The following KIAA1328 variants were observed in gnomAD, a reference collection of about 807,000 sequenced individuals.
KIAA1328 encodes KIAA1328, also known as protein hinderin.
KIAA1328 carries 52 observed loss-of-function variants against 68.1 expected under a neutral mutation model. That is an observed-to-expected ratio of 0.76 (90% confidence interval 0.61 to 0.96). The LOEUF is 0.96. Ranked by LOEUF, KIAA1328 falls within the 40% of genes least tolerant of loss-of-function variation. The pLI is 0.00. For synonymous variants in KIAA1328, 232 were observed against 239.4 expected, an observed-to-expected ratio of 0.97 and a Z score of 0.28; for missense variants, 641 against 677.6, an observed-to-expected ratio of 0.95 and a Z score of 0.60.
At chr18:36,914,361 A>T (rs949299107) in intron 5 of KIAA1328, among the ~76,000 whole-genome samples, 1 of 152,224 alleles carries the variant, frequency 6.6e-6, no homozygotes, top group African/African-American at 2.4e-5. Context: ...ATCTTAATAA[A>T]AACCTCAAGG....
intron 3 of KIAA1328, 128 bp downstream of exon 3, chr18:36,835,504 T>A: frequency 1.1e-6 from 1 of 928,824 alleles, no homozygotes; most frequent in Non-Finnish European, 1.6e-6. Context: ...TACAGAGGAT[T>A]CCAGGATCCT....
chr18:36,911,071 C>T (rs1203220206), intron 5 of KIAA1328, among the ~76,000 whole-genome samples: 1 of 152,036 alleles, frequency 6.6e-6, no homozygotes, highest in Non-Finnish European at 1.5e-5. Flanking sequence ...TACATTTTAC[C>T]CTCTTCCCTT....
chr18:37,079,579 G>A (rs913304302), intron 7 of KIAA1328, among the ~76,000 whole-genome samples: 7 of 151,968 alleles, frequency 4.6e-5, no homozygotes, highest in African/African-American at 1.7e-4. Flanking sequence ...ATTAAATAAT[G>A]GAAAGCAAAT....
At chr18:37,025,463 A>G (rs936765992) in intron 6 of KIAA1328, among the ~76,000 whole-genome samples, 2 of 152,190 alleles carry the variant, frequency 1.3e-5, no homozygotes, top group African/African-American at 2.4e-5. Context: ...AATTGACCAC[A>G]TAGTTGGAAG....
intron 1 of KIAA1328, among the ~76,000 whole-genome samples, chr18:36,831,493 A>G (rs191243657): frequency 6.6e-6 from 1 of 152,338 alleles, no homozygotes; most frequent in East Asian, 1.9e-4. Flanking sequence ...CCTTCATTAC[A>G]GTTCCTAGTA....
intron 5 of KIAA1328, among the ~76,000 whole-genome samples, chr18:36,951,564 T>C (rs989492740): frequency 1.2e-4 from 18 of 152,176 alleles, no homozygotes; most frequent in Non-Finnish European, 2.5e-4. Context: ...AACTCCCAAA[T>C]GTCTATTTCT....
chr18:37,012,132 C>A (rs963901059), intron 6 of KIAA1328, among the ~76,000 whole-genome samples: 1 of 152,062 alleles, frequency 6.6e-6, no homozygotes, highest in Non-Finnish European at 1.5e-5. Context: ...GTTAGACTTC[C>A]AGTAGTGACT....
intron 7 of KIAA1328, among the ~76,000 whole-genome samples, chr18:37,070,202 T>C (rs2056476613): frequency 6.6e-6 from 1 of 152,232 alleles, no homozygotes; most frequent in Non-Finnish European, 1.5e-5. Context: ...TTTTTCATTC[T>C]TTCAGACTTA....
At chr18:36,981,476 C>A (rs182838360) in intron 6 of KIAA1328, among the ~76,000 whole-genome samples, 1 of 152,232 alleles carries the variant, frequency 6.6e-6, no homozygotes, top group East Asian at 1.9e-4. Flanking sequence ...GTTGAATTGA[C>A]ACAGATAATA....
intron 7 of KIAA1328, among the ~76,000 whole-genome samples, chr18:37,126,696 ATCC>A (rs2058399134): frequency 6.6e-6 from 1 of 152,170 alleles, no homozygotes; most frequent in Non-Finnish European, 1.5e-5. Flanking sequence ...AGACACAAAA[ATCC>A]TCAACTAAAT....
In KIAA1328 at chr18:37,141,938, A is replaced by C. The variant is rs1012773886; in HGVS notation, c.1233-18262A>C. Among the ~76,000 whole-genome samples the C allele has an allele frequency of 9.9e-5, 15 of 152,188 alleles. 1 individual carries two copies. On this transcript the variant is annotated intron_variant, in intron 7 of 9. Transcript: ENST00000280020. ...AATTATTGAACATAGAGTTCTTTGA[A>C]TATTTTGGATACAAAGTCTTCATCA...
chr18:37,107,520 G>T (rs2057806624), intron 7 of KIAA1328, among the ~76,000 whole-genome samples: 1 of 152,086 alleles, frequency 6.6e-6, no homozygotes, highest in African/African-American at 2.4e-5. Context: ...TATTTGTGTT[G>T]TCTCTGATTT....
At chr18:36,928,296 C>A (rs2050193786) in intron 5 of KIAA1328, among the ~76,000 whole-genome samples, 1 of 151,994 alleles carries the variant, frequency 6.6e-6, no homozygotes, top group South Asian at 2.1e-4. Flanking sequence ...GCAGAATGGG[C>A]TAGTGATTAA....
At chr18:36,907,324 G>C (rs2151055084) in intron 5 of KIAA1328, among the ~76,000 whole-genome samples, 1 of 152,082 alleles carries the variant, frequency 6.6e-6, no homozygotes, top group East Asian at 1.9e-4. Context: ...CCAGTACAAT[G>C]TTGAGTAAAA....
At chr18:37,213,239 G>C (rs1206993670) in intron 9 of KIAA1328, among the ~76,000 whole-genome samples, 1 of 152,108 alleles carries the variant, frequency 6.6e-6, no homozygotes, top group African/African-American at 2.4e-5. Flanking sequence ...GTGTTTGTTT[G>C]CTGCACCCAT....
chr18:37,130,160 TA>T (rs2058488393), intron 7 of KIAA1328, among the ~76,000 whole-genome samples: 1 of 152,128 alleles, frequency 6.6e-6, no homozygotes, highest in South Asian at 2.1e-4. Context: ...GTTTTATGTA[TA>T]ATATATAGCA....
At chr18:37,111,556 G>A (rs2057930418) in intron 7 of KIAA1328, among the ~76,000 whole-genome samples, 1 of 152,184 alleles carries the variant, frequency 6.6e-6, no homozygotes, top group Admixed American at 6.5e-5. Context: ...GATTATTGGA[G>A]GTTCCAAAAT....
chr18:37,177,609 T>A (rs1323007676), intron 9 of KIAA1328, among the ~76,000 whole-genome samples: 1 of 152,166 alleles, frequency 6.6e-6, no homozygotes, highest in Non-Finnish European at 1.5e-5. Context: ...TGTTCACTTT[T>A]TTAGCTTTTT....
At chr18:37,124,405 G>T (rs1001712131) in intron 7 of KIAA1328, among the ~76,000 whole-genome samples, 7 of 151,416 alleles carry the variant, frequency 4.6e-5, no homozygotes, top group Middle Eastern at 3.4e-3. Flanking sequence ...TCATCCCTCC[G>T]TTATCATGAC....
Sources: gnomAD v4.1 joint callset for allele counts (sites outside exome capture counted in the v4.1 genomes callset) on GRCh38, gnomAD v4.1.1 for gene constraint, MANE v1.5 for transcripts, NCBI Gene and HGNC (gene_info 2026-07-23, HGNC 2026-07-21) for gene names.